Variants in TTC29 observed in about 807,000 individuals in gnomAD.
The protein encoded by TTC29 is tetratricopeptide repeat protein 29.
TTC29 carries 49 observed loss-of-function variants against 58.1 expected under a neutral mutation model. That is an observed-to-expected ratio of 0.84 (90% CI 0.67 to 1.07). The LOEUF is 1.07. TTC29 is among the 50% of genes least tolerant of loss of function. TTC29 has a pLI of 0.00. For missense variants in TTC29, 582 were observed against 555.6 expected (o/e 1.05, Z -0.48); for synonymous variants, 209 against 196.8 (o/e 1.06, Z -0.52).
chr4:146,745,564 G>T (rs1027368813), intron 11 of TTC29, among the ~76,000 whole-genome samples: 1 of 152,186 alleles, frequency 6.6e-6, no homozygotes, highest in African/African-American at 2.4e-5. Context: ...TCTGAACAAT[G>T]GTTAGACTTG....
chr4:146,725,098 T>A (rs1334064187), intron 11 of TTC29, among the ~76,000 whole-genome samples: 2 of 152,214 alleles, frequency 1.3e-5, no homozygotes, highest in African/African-American at 4.8e-5. Flanking sequence ...TTAACTTCTT[T>A]GTTTCGATTG....
At chr4:146,843,285 T>G (rs937943991) in intron 8 of TTC29, among the ~76,000 whole-genome samples, 4 of 152,224 alleles carry the variant, frequency 2.6e-5, no homozygotes, top group African/African-American at 9.6e-5. Flanking sequence ...GAGTGGACAC[T>G]GAGGACAATT....
intron 10 of TTC29, among the ~76,000 whole-genome samples, chr4:146,805,227 G>A (rs767938026): frequency 4.6e-5 from 7 of 152,216 alleles, no homozygotes; most frequent in East Asian, 1.9e-4. Context: ...AATGCCATCC[G>A]AAGATTACCA....
intron 5 of TTC29, among the ~76,000 whole-genome samples, chr4:146,906,878 T>C (rs1455835383): frequency 6.6e-6 from 1 of 152,192 alleles, no homozygotes; most frequent in Admixed American, 6.5e-5. Flanking sequence ...TCCCAGCTCT[T>C]TGGGAGACCA....
intron 6 of TTC29, among the ~76,000 whole-genome samples, chr4:146,899,380 A>C (rs1236769330): frequency 6.6e-6 from 1 of 152,206 alleles, no homozygotes; most frequent in African/African-American, 2.4e-5. Flanking sequence ...ACACAGTGAG[A>C]ATGCTGCTTG....
chr4:146,770,319 A>C (rs2150073156), intron 11 of TTC29, among the ~76,000 whole-genome samples: 1 of 151,990 alleles, frequency 6.6e-6, no homozygotes, highest in Admixed American at 6.6e-5. Flanking sequence ...CATTTCTCAA[A>C]AAAAGCCTTC....
At position 146,895,788 on chromosome 4, in the gene TTC29, C is replaced by T. The variant is rs1302057007; in HGVS notation, c.586+7756G>A. ...CTTGGAGCAGAGAGGATATAATTAT[C>T]CCTCAATAAACCCCATCATTTTCCC... On this transcript the variant is annotated intron_variant, in intron 6 of 12. Coordinates refer to ENST00000325106, the MANE Select transcript of TTC29 (RefSeq NM_031956.4). Among the ~76,000 whole-genome samples, 4 of 152,102 alleles carry T rather than the reference C, an allele frequency of 2.6e-5. No homozygotes were observed. In the South Asian group the frequency reaches 8.3e-4, roughly 32 times the overall value.
intron 11 of TTC29, among the ~76,000 whole-genome samples, chr4:146,761,249 C>T (rs1051785863): frequency 2.0e-5 from 3 of 151,804 alleles, no homozygotes; most frequent in Non-Finnish European, 4.4e-5. Flanking sequence ...TACAAACTAA[C>T]CATCTTCTAC....
intron 8 of TTC29, among the ~76,000 whole-genome samples, chr4:146,840,041 T>C (rs1728754684): frequency 6.6e-6 from 1 of 152,058 alleles, no homozygotes; most frequent in African/African-American, 2.4e-5. Context: ...TGCAGTAAGA[T>C]AATTCAGACA....
At chr4:146,726,863 T>G (rs376513813) in intron 11 of TTC29, among the ~76,000 whole-genome samples, 22 of 152,138 alleles carry the variant, frequency 1.4e-4, no homozygotes, top group African/African-American at 5.1e-4. Context: ...AATTATTCTC[T>G]GTGGATCACA....
intron 9 of TTC29, among the ~76,000 whole-genome samples, chr4:146,824,110 T>C (rs1254893201): frequency 6.6e-6 from 1 of 152,210 alleles, no homozygotes; most frequent in Non-Finnish European, 1.5e-5. Flanking sequence ...TCTTGCCTGA[T>C]TGCCCTGGCC....
At chr4:146,747,365 C>G (rs1745624659) in intron 11 of TTC29, among the ~76,000 whole-genome samples, 1 of 152,154 alleles carries the variant, frequency 6.6e-6, no homozygotes, top group Non-Finnish European at 1.5e-5. Flanking sequence ...GCTCAGCCAC[C>G]ACTGCACCAC....
intron 8 of TTC29, among the ~76,000 whole-genome samples, chr4:146,864,577 T>G (rs576284592): frequency 6.6e-6 from 1 of 152,304 alleles, no homozygotes; most frequent in African/African-American, 2.4e-5. Flanking sequence ...CTCTTCTAGC[T>G]TTGAAGGCTA....
chr4:146,834,302 T>C (rs1728365511), intron 8 of TTC29, among the ~76,000 whole-genome samples: 1 of 152,200 alleles, frequency 6.6e-6, no homozygotes, highest in Non-Finnish European at 1.5e-5. Context: ...AAAATAGCTA[T>C]TTGAAAAGCA....
intron 11 of TTC29, among the ~76,000 whole-genome samples, chr4:146,778,244 A>ATAAC (rs1404133326): frequency 1.3e-5 from 2 of 152,108 alleles, no homozygotes; most frequent in African/African-American, 4.8e-5. Context: ...TTTTCTTAAT[A>ATAAC]TAACTATTTA....
At chr4:146,804,828 C>T (rs1033779298) in intron 10 of TTC29, among the ~76,000 whole-genome samples, 6 of 152,228 alleles carry the variant, frequency 3.9e-5, no homozygotes, top group African/African-American at 1.4e-4. Context: ...TTAAATTTTC[C>T]TGCCTGCCGG....
At chr4:146,745,268 A>G (rs1745459128) in intron 11 of TTC29, among the ~76,000 whole-genome samples, 1 of 152,228 alleles carries the variant, frequency 6.6e-6, no homozygotes, top group African/African-American at 2.4e-5. Context: ...ACTCTGGCAA[A>G]GTGAGAGAAA....
intron 6 of TTC29, among the ~76,000 whole-genome samples, chr4:146,881,555 G>T (rs1731626168): frequency 1.3e-5 from 2 of 152,072 alleles, no homozygotes; most frequent in South Asian, 4.1e-4. Flanking sequence ...ATATTGAACA[G>T]TAGCAAAAAG....
intron 6 of TTC29, among the ~76,000 whole-genome samples, chr4:146,882,952 C>CTG (rs905365153): frequency 1.3e-5 from 2 of 151,596 alleles, no homozygotes; most frequent in Admixed American, 6.6e-5. Flanking sequence ...CTCTCTCTCT[C>CTG]TGTGTGTGTG....
Sources: allele counts gnomAD v4.1 joint callset (sites outside exome capture counted in the v4.1 genomes callset), GRCh38; gene constraint gnomAD v4.1.1; transcripts MANE v1.5; gene names NCBI Gene and HGNC (gene_info 2026-07-23, HGNC 2026-07-21).